LRP2: variants seen among roughly 807,000 people sequenced by gnomAD.
LRP2 encodes LDL receptor related protein 2, also known as low-density lipoprotein receptor-related protein 2.
LRP2 carries 172 observed loss-of-function variants against 531.0 expected under a neutral mutation model. The observed-to-expected ratio is 0.32, with a 90% confidence interval of 0.29 to 0.37. The LOEUF (loss-of-function observed/expected upper bound fraction) is 0.37, where lower values mean the gene tolerates loss of function less well. LRP2 is among the 10% of genes least tolerant of loss of function. The pLI is 1.00. For missense variants in LRP2, 5,167 were observed against 5,868.3 expected, an observed-to-expected ratio of 0.88 and a Z score of 3.90; for synonymous variants, 1,992 against 2,027.6, an observed-to-expected ratio of 0.98 and a Z score of 0.47.
chr2:169,275,031 C>T lies in LRP2; in HGVS notation c.1975+5G>A. Reference sequence around the variant, plus strand: ...AAGCATGGTTACCACTGCTCTGAGGCTTACCATAGGGCTGTCTGAGGGAAT... The same window carrying T: ...AAGCATGGTTACCACTGCTCTGAGGTTTACCATAGGGCTGTCTGAGGGAAT... On this transcript the variant is annotated splice_donor_5th_base_variant and intron_variant, in intron 14 of 78. Coordinates refer to ENST00000649046, the MANE Select transcript of LRP2 (RefSeq NM_004525.3). 2 of 1,613,136 alleles carry T rather than the reference C, an allele frequency of 1.2e-6. No homozygotes were observed.
chr2:169,163,741 G>A (rs1686672819), intron 62 of LRP2, among the ~76,000 whole-genome samples: 1 of 152,066 alleles, frequency 6.6e-6, no homozygotes, highest in Non-Finnish European at 1.5e-5. Flanking sequence ...AACAACTCCT[G>A]GGCTCCCGAC....
chr2:169,289,703 T>G (rs1011786113), intron 8 of LRP2, among the ~76,000 whole-genome samples: 1 of 152,142 alleles, frequency 6.6e-6, no homozygotes, highest in African/African-American at 2.4e-5. Flanking sequence ...GGCTAAGAAC[T>G]CCCAAGTGAC....
At chr2:169,284,613 TAAC>T (rs2105457522) in intron 9 of LRP2, among the ~76,000 whole-genome samples, 1 of 151,982 alleles carries the variant, frequency 6.6e-6, no homozygotes, top group Non-Finnish European at 1.5e-5. Flanking sequence ...AGATTAAACA[TAAC>T]AACATGAGCC....
intron 3 of LRP2, among the ~76,000 whole-genome samples, chr2:169,309,566 C>T (rs1196915821): frequency 6.6e-6 from 1 of 152,166 alleles, no homozygotes; most frequent in Non-Finnish European, 1.5e-5. Flanking sequence ...GGGCTCTATT[C>T]TGTTCCATTG....
intron 31 of LRP2, among the ~76,000 whole-genome samples, chr2:169,229,850 T>A (rs1452335122): frequency 6.6e-6 from 1 of 152,188 alleles, no homozygotes; most frequent in Admixed American, 6.5e-5. Context: ...TATTCCAGCC[T>A]CTTAGTAAAC....
At position 169,201,827 on chromosome 2, in the gene LRP2, C is replaced by T. The variant is rs758891888; in HGVS notation, c.8253G>A (p.Gly2751=). The change falls in exon 44 of 79, where the codon GGG becomes GGA. Residue 2751 remains glycine (G), a synonymous_variant. Transcript: ENST00000649046. ...CSPTAFTCAN[G]RCVQYSYRCD... ...AGCGGTAAGAGTATTGGACACATCG[C>T]CCATTGGCACAGGTGAAGGCTGTCG... 1 of 1,614,170 alleles carries T rather than the reference C, an allele frequency of 6.2e-7. No homozygotes were observed.
Position 169,246,976 on chromosome 2 carries a change from G to A in LRP2, c.2919C>T (p.Ala973=), listed in dbSNP as rs759285109. 8 of 1,613,968 alleles carry A rather than the reference G, an allele frequency of 5.0e-6. No homozygotes were observed. The South Asian group carries it at 8.8e-5, about 18-fold the overall frequency. Residue 973 remains alanine (A), a synonymous_variant, in exon 21 of 79, where the codon GCC becomes GCT. Coordinates refer to ENST00000649046, the MANE Select transcript of LRP2 (RefSeq NM_004525.3). ...YDVNIQTGSN[A]CNQPTHPNGD... is the part of the protein sequence containing the mutation. ...CGTTAGGATGCGTGGGTTGATTACA[G>A]GCGTTAGAACCTGCAAAAGCAAAGC... is the stretch of plus-strand genomic sequence containing the variant.
At chr2:169,357,598 G>A (rs1251927227) in intron 1 of LRP2, among the ~76,000 whole-genome samples, 1 of 151,930 alleles carries the variant, frequency 6.6e-6, no homozygotes, top group East Asian at 1.9e-4. Flanking sequence ...CCAAAGTGCT[G>A]GGATTACAGG....
At chr2:169,163,333 A>G (rs762475264) in intron 62 of LRP2, among the ~76,000 whole-genome samples, 1 of 152,194 alleles carries the variant, frequency 6.6e-6, no homozygotes, top group Non-Finnish European at 1.5e-5. Context: ...AGAACTGGTT[A>G]CCTTACAAGC....
intron 6 of LRP2, among the ~76,000 whole-genome samples, chr2:169,293,834 T>A (rs546349370): frequency 6.6e-6 from 1 of 152,204 alleles, no homozygotes; most frequent in East Asian, 1.9e-4. Context: ...GAGGTATGGG[T>A]CATTTGAGAA....
intron 11 of LRP2, 114 bp downstream of exon 11, chr2:169,280,236 A>G: frequency 8.9e-7 from 1 of 1,117,762 alleles, no homozygotes; most frequent in Non-Finnish European, 1.3e-6. Flanking sequence ...AAATATCTCA[A>G]GGGCCTTTTT....
At chr2:169,156,795 T>C (rs567455071) in intron 64 of LRP2, among the ~76,000 whole-genome samples, 40 of 152,172 alleles carry the variant, frequency 2.6e-4, no homozygotes, top group Non-Finnish European at 4.4e-4. Context: ...ACAGGAGTCA[T>C]TGATTTAGTT....
intron 1 of LRP2, among the ~76,000 whole-genome samples, chr2:169,341,200 A>C (rs551093804): frequency 3.3e-5 from 5 of 152,330 alleles, no homozygotes; most frequent in African/African-American, 9.6e-5. Flanking sequence ...GAACTGGCAC[A>C]GAAACAGGGA....
At chr2:169,285,375 G>A (rs1012777513) in intron 9 of LRP2, among the ~76,000 whole-genome samples, 1 of 152,000 alleles carries the variant, frequency 6.6e-6, no homozygotes, top group Non-Finnish European at 1.5e-5. Flanking sequence ...CACTATAGAG[G>A]AATATGAAGG....
chr2:169,139,146 T>C (rs1465219448), intron 74 of LRP2, 105 bp downstream of exon 74: 12 of 1,530,306 alleles, frequency 7.8e-6, no homozygotes, highest in Non-Finnish European at 1.1e-5. Flanking sequence ...ATCGGTGAAC[T>C]GCGTATTGTG....
At chr2:169,240,340 G>A (rs1226461746) in intron 25 of LRP2, among the ~76,000 whole-genome samples, 2 of 152,184 alleles carry the variant, frequency 1.3e-5, no homozygotes, top group Non-Finnish European at 2.9e-5. Context: ...CACATGCCTG[G>A]GGATGCAAAT....
intron 68 of LRP2, among the ~76,000 whole-genome samples, chr2:169,148,054 A>T (rs989665964): frequency 3.3e-5 from 5 of 152,260 alleles, no homozygotes; most frequent in African/African-American, 1.2e-4. Context: ...GTCATCAGGC[A>T]TAGGCCAAGT....
intron 16 of LRP2, among the ~76,000 whole-genome samples, chr2:169,266,000 T>A (rs949612196): frequency 6.6e-6 from 1 of 152,000 alleles, no homozygotes; most frequent in African/African-American, 2.4e-5. Flanking sequence ...AATACATGAT[T>A]GTTATATTTA....
intron 77 of LRP2, among the ~76,000 whole-genome samples, chr2:169,132,015 A>T (rs143377561): frequency 6.6e-6 from 1 of 152,140 alleles, no homozygotes; most frequent in East Asian, 1.9e-4. Context: ...TTTTCTTTCA[A>T]TCTCCAGTAT....
Sources: allele counts gnomAD v4.1 joint callset (sites outside exome capture counted in the v4.1 genomes callset), GRCh38; gene constraint gnomAD v4.1.1; transcripts MANE v1.5; gene names NCBI Gene and HGNC (gene_info 2026-07-23, HGNC 2026-07-21).